Variants in PIF1 observed in about 807,000 individuals in gnomAD.
The protein encoded by PIF1 is ATP-dependent DNA helicase PIF1.
In PIF1, 67 loss-of-function variants were observed where a neutral mutation model predicts 62.3. The observed-to-expected ratio is 1.08, with a 90% CI of 0.88 to 1.32. PIF1 has a LOEUF of 1.32. Among genes scored for constraint, PIF1 ranks in the 40% most tolerant of loss-of-function variants. PIF1 has a pLI of 0.00. For missense variants in PIF1, 886 were observed against 866.1 expected, an observed-to-expected ratio of 1.02 and a Z score of -0.29; for synonymous variants, 364 against 379.5, an observed-to-expected ratio of 0.96 and a Z score of 0.47.
rs114090726 is a variant in PIF1, at chr15:64,816,665, C to T, written c.1775G>A (p.Arg592His). 2,118 of 1,614,038 alleles carry T rather than the reference C, an allele frequency of 1.3e-3. 27 individuals are homozygous for T. In the African/African-American group the frequency reaches 0.025, roughly 19 times the overall value. The change falls in exon 12 of 13, where the codon CGT becomes CAT. Residue 592 changes from arginine (R) to histidine (H), a missense_variant. Coordinates refer to ENST00000559239, the MANE Select transcript of PIF1 (RefSeq NM_001286496.2). Reference sequence around the variant, plus strand: ...CGCCATGGGGTCAAAGTCCAGCACACGTAGGCCCTGCAGGCTGCGGGCCCG... The same window carrying T: ...CGCCATGGGGTCAAAGTCCAGCACATGTAGGCCCTGCAGGCTGCGGGCCCG... ...LSRARSLQGL[R>H]VLDFDPMAVR...
Position 64,815,801 on chromosome 15 carries a change from G to A in PIF1, c.*497C>T. 8.4e-6 allele frequency: 13 copies of A among 1,550,648 alleles called. No individual in the cohort carries two copies. The highest frequency in any genetic ancestry group is 1.4e-5 in the African/African-American group (1 of 73,166). On this transcript the variant is annotated 3_prime_UTR_variant, in exon 13 of 13. Coordinates refer to ENST00000559239, the MANE Select transcript of PIF1 (RefSeq NM_001286496.2). ...CTCTGAAGGGTGTTTGTTCTGGGCT[G>A]GGCTAGGCTGGGCCTAGCTGTAGAG...
upstream of PIF1, among the ~76,000 whole-genome samples, chr15:64,826,480 G>A (rs562730358): frequency 3.3e-5 from 5 of 150,410 alleles, no homozygotes; most frequent in Admixed American, 1.3e-4. Context: ...GGCTGTAGTG[G>A]AGTGCAGTGG....
chr15:64,825,415 C>T (rs1307888814), intron 1 of PIF1, among the ~76,000 whole-genome samples, 154 bp downstream of exon 1: 1 of 152,140 alleles, frequency 6.6e-6, no homozygotes, highest in Admixed American at 6.6e-5. Context: ...CCTCGCGCTT[C>T]CCACCACCAA....
intron 12 of PIF1, 76 bp downstream of exon 12, chr15:64,816,498 C>A: frequency 6.3e-7 from 1 of 1,595,788 alleles, no homozygotes; most frequent in Non-Finnish European, 8.6e-7. Context: ...CCAGGTCCCA[C>A]TGGGCCGGCG....
chr15:64,824,083 G>A lies in PIF1; in HGVS notation c.253C>T (p.Arg85Cys). 1 of 1,267,376 alleles carries A rather than the reference G, an allele frequency of 7.9e-7. No individual in the cohort carries two copies. The highest frequency in any genetic ancestry group is 9.9e-7 in the Non-Finnish European group (1 of 1,007,992). The allele number at this position is 1,267,376 out of a possible 1,614,324, so 78.5% of individuals were successfully genotyped here. ...TGGGCGGGGAGCCGCAGGGTGCTGC[G>A]CCCGGCCTCGGCGAAACGCGTGAAG... ...RLFTRFAEAG[R>C]STLRLPAHDT... Residue 85 changes from arginine to cysteine, a missense_variant, in exon 2 of 13, where the codon CGC becomes TGC. Arg to Cys is a radical substitution (Grantham distance 180). Transcript: ENST00000559239.
At chr15:64,822,958 C>CA (rs1321807856) in intron 2 of PIF1, among the ~76,000 whole-genome samples, 18 of 152,034 alleles carry the variant, frequency 1.2e-4, no homozygotes, top group Non-Finnish European at 5.9e-5. Flanking sequence ...TTTCTCACCT[C>CA]AAAATACCCA....
At position 64,822,593 on chromosome 15, in the gene PIF1, G is replaced by A. The variant is rs772609765; in HGVS notation, c.576C>T (p.Pro192=). ...AEPSTEAPRW[P]LPVKRLSLPS... ...GCAAGCTCAGCCTCTTCACAGGCAG[G>A]GGCCACCTTGGGGCTTCCTGGGGGG... Residue 192 remains proline, a synonymous_variant, in exon 3 of 13, where the codon CCC becomes CCT. Coordinates refer to ENST00000559239, the MANE Select transcript of PIF1 (RefSeq NM_001286496.2). 14 of 1,613,976 alleles carry A rather than the reference G, an allele frequency of 8.7e-6. No homozygotes were observed. The Admixed American group carries it at 1.2e-4, about 13-fold the overall frequency.
chr15:64,826,750 A>G (rs1044389385), upstream of PIF1, among the ~76,000 whole-genome samples: 1 of 141,918 alleles, frequency 7.0e-6, no homozygotes, highest in African/African-American at 2.6e-5. Context: ...ACACACACAT[A>G]TATATATATA....
rs1365665266 is a variant in PIF1, at chr15:64,815,805, T to TAGGCTGGGCC, written c.*483_*492dup. ...GAAGGGTGTTTGTTCTGGGCTGGGCTAGGCTGGGCCTAGCTGTAGAGACAC... is the reference window on the plus strand; with the variant it reads ...GAAGGGTGTTTGTTCTGGGCTGGGCTAGGCTGGGCCAGGCTGGGCCTAGCTGTAGAGACAC... On this transcript the variant is annotated 3_prime_UTR_variant, in exon 13 of 13. Transcript: ENST00000559239. 1.1e-5 allele frequency: 17 copies of TAGGCTGGGCC among 1,550,676 alleles called. No homozygotes were observed. The highest frequency in any genetic ancestry group is 1.5e-5 in the Non-Finnish European group (17 of 1,147,016).
intron 9 of PIF1, 141 bp downstream of exon 9, chr15:64,818,976 G>A (rs1289485913): frequency 1.9e-6 from 1 of 516,738 alleles, no homozygotes; most frequent in African/African-American, 2.0e-5. Flanking sequence ...AGGTGGGTGG[G>A]AACAGGAGGC....
chr15:64,821,097 G>A lies in PIF1; in HGVS notation c.1087-9C>T, dbSNP rs991438344. ...CTCTTCCAGCTCTTGGACTGGTGGGGGCAGGGTGGGGGTGGGTCAAGGAGC... is the reference window on the plus strand; with the variant it reads ...CTCTTCCAGCTCTTGGACTGGTGGGAGCAGGGTGGGGGTGGGTCAAGGAGC... On this transcript the variant is annotated splice_polypyrimidine_tract_variant and intron_variant, in intron 6 of 12. Transcript: ENST00000559239. The A allele has an allele frequency of 1.9e-5, 30 of 1,613,276 alleles. No individual in the cohort carries two copies. The highest frequency in any genetic ancestry group is 2.5e-5 in the Non-Finnish European group (30 of 1,179,406).
In PIF1 at chr15:64,824,347, C is replaced by T. The variant is rs548707253; in HGVS notation, c.-12G>A. ...ATGCCCGAGAGCATCGTCACCGCCT[C>T]TGCTGGTCTGCGAAGACACCGGAGC... On this transcript the variant is annotated 5_prime_UTR_variant, in exon 2 of 13. Transcript: ENST00000559239. 6.4e-6 allele frequency: 8 copies of T among 1,246,578 alleles called. 1 individual carries two copies. The East Asian group carries it at 2.2e-4, about 34-fold the overall frequency. 77.2% of individuals were successfully genotyped at this position (1,246,578 alleles called of 1,614,324 possible).
rs747322869 is a variant in PIF1, at chr15:64,817,937, G to A, written c.1674+9C>T. Reference sequence around the variant, plus strand: ...CCTCCCTGTCCCTGCCCCCCACACCGGTGCTCACTTGGCTCTTGTGGATGG... The same window carrying A: ...CCTCCCTGTCCCTGCCCCCCACACCAGTGCTCACTTGGCTCTTGTGGATGG... On this transcript the variant is annotated intron_variant, in intron 11 of 12. Transcript: ENST00000559239. 2.7e-5 allele frequency: 44 copies of A among 1,606,660 alleles called. No individual in the cohort carries two copies. The highest frequency in any genetic ancestry group is 6.7e-5 in the East Asian group (3 of 44,764).
At chr15:64,823,471 A>T (rs2084318948) in intron 2 of PIF1, 1 of 234,066 alleles carries the variant, frequency 4.3e-6, no homozygotes. Context: ...TGGCCTCAGA[A>T]CTCCTAACCT....
chr15:64,823,671 A>C, intron 2 of PIF1, 107 bp downstream of exon 2: 1 of 783,926 alleles, frequency 1.3e-6, no homozygotes, highest in Non-Finnish European at 1.8e-6. Context: ...TCAGATGGGT[A>C]TCAAATACCC....
At chr15:64,821,596 A>G (rs1283918197) in intron 4 of PIF1, 76 bp from the exon 5 acceptor site, 2 of 1,426,002 alleles carry the variant, frequency 1.4e-6, no homozygotes, top group South Asian at 2.9e-5. Flanking sequence ...TTTTGAGAGA[A>G]GGTCTCTTTC....
Position 64,815,908 on chromosome 15 carries a change from C to A in PIF1, c.*390G>T, listed in dbSNP as rs763505212. ...GTCCCCTCCAAGAGCCCTGATGCTG[C>A]TTCCGGAGCACCTGTCTTCATTGCC... On this transcript the variant is annotated 3_prime_UTR_variant, in exon 13 of 13. Coordinates refer to ENST00000559239, the MANE Select transcript of PIF1 (RefSeq NM_001286496.2). The A allele has an allele frequency of 1.3e-6, 2 of 1,550,612 alleles. No individual in the cohort carries two copies. Among genetic ancestry groups the A allele is most frequent in the East Asian group, 4.9e-5 (2 of 40,926 alleles).
chr15:64,826,701 TAC>T (rs376980970), upstream of PIF1, among the ~76,000 whole-genome samples: 2,145 of 130,624 alleles, frequency 0.016, 63 homozygotes, highest in South Asian at 0.027. Flanking sequence ...CACATATATA[TAC>T]ACACACATAT....
Position 64,816,234 on chromosome 15 carries a change from C to G in PIF1, c.*64G>C, listed in dbSNP as rs945118794. 5 of 1,607,940 alleles carry G rather than the reference C, an allele frequency of 3.1e-6. No homozygotes were observed. Among genetic ancestry groups the G allele is most frequent in the Non-Finnish European group, 4.2e-6 (5 of 1,177,678 alleles). ...CCAGTTATTCCCTGGGGCCCTGGGC[C>G]ACTAGGGAGCAGGAGGACGGGGAGG... On this transcript the variant is annotated 3_prime_UTR_variant, in exon 13 of 13. Transcript: ENST00000559239.
Sources: allele counts gnomAD v4.1 joint callset (sites outside exome capture counted in the v4.1 genomes callset), GRCh38; gene constraint gnomAD v4.1.1; transcripts MANE v1.5; gene names NCBI Gene and HGNC (gene_info 2026-07-23, HGNC 2026-07-21).